The following NRXN1 variants were observed in gnomAD, a reference collection of about 807,000 sequenced individuals.
The protein encoded by NRXN1 is neurexin 1.
NRXN1 carries 39 observed loss-of-function variants against 150.9 expected under a neutral mutation model. That is an observed-to-expected ratio of 0.26 (90% CI 0.20 to 0.34). The LOEUF (loss-of-function observed/expected upper bound fraction) is 0.34, where lower values mean the gene tolerates loss of function less well. Among genes scored for constraint, NRXN1 ranks in the 10% least tolerant of loss-of-function variants. The probability of loss-of-function intolerance (pLI) is 1.00; values close to 1 mark genes in which losing one functional copy is unlikely to be tolerated. For missense variants in NRXN1, 1,815 were observed against 1,949.9 expected (o/e 0.93, Z 1.30); for synonymous variants, 924 against 757.0 (o/e 1.22, Z -3.62).
chr2:50,979,415 C>A (rs1170196200), intron 2 of NRXN1: 1 of 396,918 alleles, frequency 2.5e-6, no homozygotes, highest in Non-Finnish European at 5.0e-6. Context: ...GGGATACTAG[C>A]CAGTTATTCA....
intron 5 of NRXN1, chr2:50,696,206 GTGTGTGTA>G (rs1237847201): frequency 1.6e-4 from 24 of 146,392 alleles, no homozygotes; most frequent in African/African-American, 3.8e-4. Context: ...GTGTGTGTGT[GTGTGTGTA>G]TGTATACACA....
At chr2:50,683,450 G>T (rs997381624) in intron 5 of NRXN1, among the ~76,000 whole-genome samples, 3 of 148,892 alleles carry the variant, frequency 2.0e-5, no homozygotes, top group Non-Finnish European at 4.5e-5. Context: ...GGCTAACACG[G>T]TCAAACCCCG....
chr2:49,988,050 C>A (rs1157840691), intron 21 of NRXN1, among the ~76,000 whole-genome samples: 1 of 151,952 alleles, frequency 6.6e-6, no homozygotes, highest in African/African-American at 2.4e-5. Flanking sequence ...AAATCAGATC[C>A]TTTGAAAGGC....
intron 18 of NRXN1, among the ~76,000 whole-genome samples, chr2:50,234,700 G>A (rs2065258969): frequency 6.6e-6 from 1 of 151,978 alleles, no homozygotes; most frequent in Non-Finnish European, 1.5e-5. Context: ...AGCCCAGGAG[G>A]ACACGGTTTA....
intron 5 of NRXN1, among the ~76,000 whole-genome samples, chr2:50,674,102 A>AAAG (rs1689225570): frequency 6.6e-6 from 1 of 152,154 alleles, no homozygotes; most frequent in African/African-American, 2.4e-5. Context: ...TATAATAAAA[A>AAAG]AAAGGAAAGT....
intron 5 of NRXN1, among the ~76,000 whole-genome samples, chr2:50,772,142 C>T (rs1703086740): frequency 6.6e-6 from 1 of 151,814 alleles, no homozygotes; most frequent in Non-Finnish European, 1.5e-5. Context: ...CTGAAACAAT[C>T]AATCAGAACT....
chr2:50,537,947 A>G (rs2093302958), intron 10 of NRXN1, among the ~76,000 whole-genome samples: 1 of 152,196 alleles, frequency 6.6e-6, no homozygotes, highest in Non-Finnish European at 1.5e-5. Flanking sequence ...CTGAAGTTAA[A>G]AACTGGGCAA....
Position 50,623,896 on chromosome 2 carries a change from A to C in NRXN1, c.833-281T>G, listed in dbSNP as rs112791872. Among the ~76,000 whole-genome samples the C allele has an allele frequency of 3.7e-3, 558 of 152,166 alleles. 3 individuals carry two copies. Among genetic ancestry groups the C allele is most frequent in the Non-Finnish European group, 5.1e-3 (349 of 68,008 alleles). ...GGTGTGCTGCACCCATTAACTCGTC[A>C]TTTAGCATAACTCATCCTAATGCTA... is the stretch of plus-strand genomic sequence containing the variant. On this transcript the variant is annotated intron_variant, in intron 5 of 22. Transcript: ENST00000401669.
chr2:50,960,898 A>C (rs975854446), intron 2 of NRXN1, among the ~76,000 whole-genome samples: 2 of 152,058 alleles, frequency 1.3e-5, no homozygotes, highest in African/African-American at 4.8e-5. Context: ...TTAACTTGTA[A>C]CTTCATAGTC....
intron 17 of NRXN1, among the ~76,000 whole-genome samples, chr2:50,378,667 G>A (rs1259399731): frequency 1.3e-5 from 2 of 152,116 alleles, no homozygotes; most frequent in Admixed American, 1.3e-4. Flanking sequence ...TTAATAATAT[G>A]TAAACAGTAA....
chr2:50,454,664 TCACACA>T (rs3052512), intron 17 of NRXN1, among the ~76,000 whole-genome samples: 4,808 of 140,784 alleles, frequency 0.034, 103 homozygotes, highest in South Asian at 0.05. Context: ...TGGGCAAAGA[TCACACA>T]CACACACACA....
chr2:50,312,180 C>A (rs1194133625), intron 17 of NRXN1, among the ~76,000 whole-genome samples: 1 of 152,070 alleles, frequency 6.6e-6, no homozygotes, highest in Non-Finnish European at 1.5e-5. Flanking sequence ...TACCCTTTAC[C>A]AGTCCAACCA....
chr2:49,975,037 A>G (rs1417322175), intron 21 of NRXN1, among the ~76,000 whole-genome samples: 1 of 151,422 alleles, frequency 6.6e-6, no homozygotes, highest in Non-Finnish European at 1.5e-5. Context: ...CAGTGATCAT[A>G]CTGTAATAAC....
At chr2:50,537,374 TA>T (rs938754148) in intron 10 of NRXN1, among the ~76,000 whole-genome samples, 8 of 152,168 alleles carry the variant, frequency 5.3e-5, no homozygotes, top group African/African-American at 1.9e-4. Flanking sequence ...GTGTAGTGAC[TA>T]AAGCATTTAT....
At chr2:50,922,520 A>T in intron 4 of NRXN1, 138 bp downstream of exon 4, 1 of 857,940 alleles carries the variant, frequency 1.2e-6, no homozygotes, top group Non-Finnish European at 1.9e-6. Flanking sequence ...ACATGAAAAA[A>T]TGTGAACAAA....
At chr2:50,458,186 G>A (rs1481663946) in intron 17 of NRXN1, among the ~76,000 whole-genome samples, 1 of 152,064 alleles carries the variant, frequency 6.6e-6, no homozygotes, top group African/African-American at 2.4e-5. Flanking sequence ...GGCTCAGAAA[G>A]ACAAATATCG....
At chr2:50,825,171 A>T (rs768714668) in intron 5 of NRXN1, among the ~76,000 whole-genome samples, 1 of 152,232 alleles carries the variant, frequency 6.6e-6, no homozygotes, top group Non-Finnish European at 1.5e-5. Context: ...GTAACCGGGA[A>T]GAAGACAAAT....
chr2:49,956,078 T>C (rs1414176541), intron 21 of NRXN1, among the ~76,000 whole-genome samples: 1 of 152,136 alleles, frequency 6.6e-6, no homozygotes, highest in East Asian at 1.9e-4. Flanking sequence ...GTTCACACTG[T>C]ATATTCAAGG....
intron 18 of NRXN1, among the ~76,000 whole-genome samples, chr2:50,220,201 G>A (rs555381469): frequency 6.7e-6 from 1 of 150,278 alleles, no homozygotes; most frequent in East Asian, 2.0e-4. Flanking sequence ...TTGAACATGA[G>A]GGAAACATAT....
Sources: gnomAD v4.1 joint callset for allele counts (sites outside exome capture counted in the v4.1 genomes callset) on GRCh38, gnomAD v4.1.1 for gene constraint, MANE v1.5 for transcripts, NCBI Gene and HGNC (gene_info 2026-07-23, HGNC 2026-07-21) for gene names.